Variants in PLD5 observed in about 807,000 individuals in gnomAD.
PLD5 encodes the protein inactive phospholipase D5.
Under a neutral mutation model 61.1 loss-of-function variants are expected in PLD5, and 36 were observed. That is an observed-to-expected ratio of 0.59 (90% confidence interval 0.45 to 0.78). The LOEUF (loss-of-function observed/expected upper bound fraction) is 0.78, where lower values mean the gene tolerates loss of function less well. Ranked by LOEUF, PLD5 falls within the 30% of genes least tolerant of loss-of-function variation. The pLI is 0.00. For missense variants in PLD5, 515 were observed against 644.4 expected (o/e 0.80, Z 2.17); for synonymous variants, 243 against 242.8 (o/e 1.00, Z -0.01).
intron 4 of PLD5, among the ~76,000 whole-genome samples, chr1:242,228,062 G>GAAT (rs1671066324): frequency 2.0e-5 from 3 of 152,100 alleles, no homozygotes; most frequent in Admixed American, 2.0e-4. Flanking sequence ...TATCAAAATG[G>GAAT]AATATTAGAT....
intron 5 of PLD5, among the ~76,000 whole-genome samples, chr1:242,207,794 ATATATTTATATATATT>A (rs1669443668): frequency 3.3e-5 from 3 of 91,528 alleles, no homozygotes; most frequent in African/African-American, 5.0e-5. Context: ...TTATATTTAT[ATATATTTATATATATT>A]TATATTTATA....
rs1663321952 is a variant in PLD5 at position 242,394,747 on chromosome 1, AACATATATGTGTATATATGTGAAT to A, written c.190-46529_190-46506del. 5.2e-5 allele frequency among the ~76,000 whole-genome samples: 2 copies of A among 38,692 alleles called. 1 individual carries two copies. Among genetic ancestry groups the A allele is most frequent in the African/African-American group, 2.8e-4 (2 of 7,210 alleles). The allele number at this position is 38,692 out of a possible 152,430, so 25.4% of individuals were successfully genotyped here. A position where few individuals can be genotyped will look rare whatever the true frequency, so the allele number is the denominator to read the frequency against. Reference sequence around the variant, plus strand: ...GTGAACATATATGTGTATATATGTGAACATATATGTGTATATATGTGAATATATATGTGTATATATGTGAATATA... The same window carrying A: ...GTGAACATATATGTGTATATATGTGAATATATGTGTATATATGTGAATATA... On this transcript the variant is annotated intron_variant, in intron 1 of 9. Coordinates refer to ENST00000536534, the MANE Select transcript of PLD5 (RefSeq NM_001372062.1).
chr1:242,129,443 AC>A (rs1385010454), intron 5 of PLD5, among the ~76,000 whole-genome samples: 1 of 152,186 alleles, frequency 6.6e-6, no homozygotes, highest in Non-Finnish European at 1.5e-5. Context: ...AAAAAAACCA[AC>A]CAAACAAAAT....
intron 5 of PLD5, among the ~76,000 whole-genome samples, chr1:242,150,258 G>A (rs554941178): frequency 6.7e-6 from 1 of 148,178 alleles, no homozygotes; most frequent in African/African-American, 2.5e-5. Context: ...TTCCATATGT[G>A]CTTAAATATA....
chr1:242,303,346 A>G (rs1332359881), intron 2 of PLD5, among the ~76,000 whole-genome samples: 2 of 152,254 alleles, frequency 1.3e-5, no homozygotes, highest in East Asian at 1.9e-4. Flanking sequence ...TGCCCACAAG[A>G]TGAAATTGAA....
chr1:242,102,057 G>A (rs943736958), intron 8 of PLD5, among the ~76,000 whole-genome samples: 1 of 152,156 alleles, frequency 6.6e-6, no homozygotes, highest in Non-Finnish European at 1.5e-5. Context: ...TCTTCAGACT[G>A]ACTTAATAAC....
chr1:242,492,178 C>T (rs2102977848), intron 1 of PLD5, among the ~76,000 whole-genome samples: 1 of 152,170 alleles, frequency 6.6e-6, no homozygotes, highest in South Asian at 2.1e-4. Flanking sequence ...TGCTGTTCAC[C>T]TCTCCTCCCC....
chr1:242,425,378 AAAC>A (rs1665362582), intron 1 of PLD5, among the ~76,000 whole-genome samples: 1 of 152,194 alleles, frequency 6.6e-6, no homozygotes, highest in African/African-American at 2.4e-5. Flanking sequence ...TTGTGTATCT[AAAC>A]AAAGAAATAG....
At chr1:242,217,511 C>A (rs1670291025) in intron 5 of PLD5, among the ~76,000 whole-genome samples, 1 of 151,290 alleles carries the variant, frequency 6.6e-6, no homozygotes, top group South Asian at 2.1e-4. Context: ...GTAATCCCAG[C>A]TACTTGGGAG....
intron 1 of PLD5, among the ~76,000 whole-genome samples, chr1:242,372,653 T>C (rs1047684130): frequency 2.0e-5 from 3 of 152,146 alleles, no homozygotes; most frequent in Admixed American, 1.3e-4. Context: ...TGTACAACCA[T>C]CTGATCTTTG....
intron 5 of PLD5, among the ~76,000 whole-genome samples, chr1:242,164,465 G>C (rs1666154469): frequency 6.6e-6 from 1 of 152,054 alleles, no homozygotes; most frequent in Admixed American, 6.5e-5. Flanking sequence ...TTCACTGACG[G>C]GCCATGTTAA....
At chr1:242,283,186 T>C (rs1674816774) in intron 3 of PLD5, among the ~76,000 whole-genome samples, 1 of 152,158 alleles carries the variant, frequency 6.6e-6, no homozygotes, top group Non-Finnish European at 1.5e-5. Context: ...TCACACTCAC[T>C]CTTACAAAAT....
chr1:242,267,610 G>A (rs1301611041), intron 3 of PLD5, among the ~76,000 whole-genome samples: 6 of 151,796 alleles, frequency 4.0e-5, no homozygotes, highest in African/African-American at 7.3e-5. Context: ...GGCAGAGGCC[G>A]AGCTTATCCT....
At chr1:242,526,979 G>A (rs1669460385), upstream of PLD5, among the ~76,000 whole-genome samples, 1 of 152,062 alleles carries the variant, frequency 6.6e-6, no homozygotes, top group Non-Finnish European at 1.5e-5. Flanking sequence ...GAGTAATAAT[G>A]AACTGTTCTA....
intron 1 of PLD5, among the ~76,000 whole-genome samples, chr1:242,439,780 T>A (rs1666187306): frequency 6.6e-6 from 1 of 152,116 alleles, no homozygotes; most frequent in Non-Finnish European, 1.5e-5. Flanking sequence ...TAAACTCCAG[T>A]TTCCCAGAAT....
upstream of PLD5, among the ~76,000 whole-genome samples, chr1:242,527,027 C>T (rs1466004495): frequency 6.6e-6 from 1 of 150,554 alleles, no homozygotes; most frequent in African/African-American, 2.5e-5. Flanking sequence ...CCATATTGTG[C>T]CAGATTCTCA....
chr1:242,299,144 T>A (rs1165469046), intron 2 of PLD5, among the ~76,000 whole-genome samples: 2 of 152,154 alleles, frequency 1.3e-5, no homozygotes, highest in African/African-American at 2.4e-5. Flanking sequence ...TTTAATTTTT[T>A]AAATTTTTGT....
At chr1:242,213,416 C>G (rs1037454306) in intron 5 of PLD5, among the ~76,000 whole-genome samples, 1 of 152,084 alleles carries the variant, frequency 6.6e-6, no homozygotes, top group African/African-American at 2.4e-5. Flanking sequence ...AATCGACATA[C>G]CTCTGTCATA....
intron 2 of PLD5, among the ~76,000 whole-genome samples, chr1:242,300,819 G>A (rs887172248): frequency 5.9e-5 from 9 of 152,192 alleles, no homozygotes; most frequent in Admixed American, 3.3e-4. Flanking sequence ...GGCGAAGGGC[G>A]GTGGCAGCTT....
Sources: gnomAD v4.1 joint callset for allele counts (sites outside exome capture counted in the v4.1 genomes callset) on GRCh38, gnomAD v4.1.1 for gene constraint, MANE v1.5 for transcripts, NCBI Gene and HGNC (gene_info 2026-07-23, HGNC 2026-07-21) for gene names.